The following SON variants were observed in gnomAD, a reference collection of about 807,000 sequenced individuals.
The protein encoded by SON is SON DNA and RNA binding protein.
SON carries 4 observed loss-of-function variants against 173.3 expected under a neutral mutation model. The ratio of observed to expected loss-of-function variants is 0.02; its 90% confidence interval spans 0.01 to 0.05. The LOEUF (loss-of-function observed/expected upper bound fraction) is 0.05. Ranked by LOEUF, SON falls within the 10% of genes least tolerant of loss-of-function variation. SON has a pLI of 1.00. For missense variants in SON, 2,626 were observed against 3,055.3 expected (o/e 0.86, Z 3.31); for synonymous variants, 1,190 against 1,105.9 (o/e 1.08, Z -1.51).
intron 11 of SON, 73 bp downstream of exon 11, chr21:33,575,966 A>G: frequency 1.4e-6 from 1 of 729,944 alleles, no homozygotes; most frequent in East Asian, 2.8e-5. Flanking sequence ...GGTAAACATG[A>G]TCACAGGATT....
Position 33,550,503 on chromosome 21 carries a change from G to A in SON, c.1272G>A (p.Val424=), listed in dbSNP as rs923655134. 8.7e-6 allele frequency: 14 copies of A among 1,613,714 alleles called. No homozygotes were observed. The highest frequency in any genetic ancestry group is 1.6e-4 in the Middle Eastern group (1 of 6,076). The stretch of plus-strand genomic sequence containing the variant: ...TGCCAGGGCCCCTTTCTACCCCAGT[G>A]CCTGAGTTGCCAGGGCCCCCTGCGA... The part of the protein sequence containing the change: ...PELPGPLSTP[V]PELPGPPATA... Residue 424 remains valine, a synonymous_variant, in exon 3 of 12, where the codon GTG becomes GTA. Transcript: ENST00000356577.
At position 33,554,624 on chromosome 21, in the gene SON, A is replaced by G. The variant is rs2085915224; in HGVS notation, c.5393A>G (p.Asp1798Gly). The change falls in exon 3 of 12, where the codon GAC (aspartate) becomes GGC (glycine). Residue 1798 changes from aspartate to glycine, a missense_variant. Asp to Gly is a moderately conservative substitution (Grantham distance 94). Coordinates refer to ENST00000356577, the MANE Select transcript of SON (RefSeq NM_138927.4). ...DDYEIFVKVK[D>G]THEKSKKNKN... Reference sequence around the variant, plus strand: ...TATGAAATTTTTGTAAAAGTTAAGGACACTCACGAAAAAAGCAAGAAAAAT... The same window carrying G: ...TATGAAATTTTTGTAAAAGTTAAGGGCACTCACGAAAAAAGCAAGAAAAAT... 2.5e-6 allele frequency: 4 copies of G among 1,613,506 alleles called. No individual in the cohort carries two copies. Among genetic ancestry groups the G allele is most frequent in the Non-Finnish European group, 2.5e-6 (3 of 1,179,940 alleles).
intron 6 of SON, 144 bp from the exon 7 acceptor site, chr21:33,567,013 G>C (rs1206862067): frequency 6.0e-6 from 3 of 503,806 alleles, no homozygotes; most frequent in Non-Finnish European, 1.1e-5. Flanking sequence ...TTCTCTTTCT[G>C]AGTCTTCTCC....
chr21:33,575,697 C>G (rs1288638299), intron 10 of SON, 30 bp downstream of exon 10: 1 of 1,592,610 alleles, frequency 6.3e-7, no homozygotes, highest in African/African-American at 1.3e-5. Context: ...TTTCCTCTTA[C>G]CCTAATCCCA....
chr21:33,546,974 T>G (rs920076441), intron 2 of SON: 5 of 152,178 alleles, frequency 3.3e-5, no homozygotes, highest in African/African-American at 1.2e-4. Flanking sequence ...TTTTCTTTTC[T>G]TTTCTTTTTT....
chr21:33,573,147 T>TA (rs757803074), intron 8 of SON, 161 bp from the exon 9 acceptor site: 62 of 541,390 alleles, frequency 1.1e-4, no homozygotes, highest in Non-Finnish European at 1.8e-4. Context: ...AATCAGAACA[T>TA]ACACACTACA....
intron 7 of SON, among the ~76,000 whole-genome samples, chr21:33,568,175 A>G (rs1330571193): frequency 6.6e-6 from 1 of 152,216 alleles, no homozygotes; most frequent in Non-Finnish European, 1.5e-5. Flanking sequence ...GGTGACTGAA[A>G]AAAAGTATAC....
rs2086229065 is a variant in SON at position 33,569,045 on chromosome 21, A to G, written c.6843A>G (p.Gln2281=). The G allele has an allele frequency of 1.2e-6, 2 of 1,612,574 alleles. No individual in the cohort carries two copies. The highest frequency in any genetic ancestry group is 2.7e-5 in the African/African-American group (2 of 75,006). The change falls in exon 8 of 12, where the codon CAA becomes CAG. Residue 2281 remains glutamine, a synonymous_variant. Transcript: ENST00000356577. ...GTACAGGAGTACAGGTTTTGACACAAGAACAGTTGGCCAATACTGGTGCCC... is the reference window on the plus strand; with the variant it reads ...GTACAGGAGTACAGGTTTTGACACAGGAACAGTTGGCCAATACTGGTGCCC... ...TGSTGVQVLT[Q]EQLANTGAQA... is the part of the protein sequence containing the mutation.
chr21:33,555,141 C>CCGCACCCCCAGCCGCCGG lies in SON; in HGVS notation c.5910_5911insCGCACCCCCAGCCGCCGG (p.Arg1965_Arg1970dup), dbSNP rs2085936031. Reference sequence around the variant, plus strand: ...GCCGCAGCCGCACCCCCAGCCGCCGCAGCCGCACCCCCAGCCGCCGCAGCC... The same window carrying CCGCACCCCCAGCCGCCGG: ...GCCGCAGCCGCACCCCCAGCCGCCGCCGCACCCCCAGCCGCCGGAGCCGCACCCCCAGCCGCCGCAGCC... On this transcript the variant is annotated inframe_insertion, in exon 3 of 12. Transcript: ENST00000356577. The CCGCACCCCCAGCCGCCGG allele has an allele frequency of 6.8e-7, 1 of 1,473,724 alleles. No homozygotes were observed. Among genetic ancestry groups the CCGCACCCCCAGCCGCCGG allele is most frequent in the Admixed American group, 2.4e-5 (1 of 41,186 alleles). The allele number at this position is 1,473,724 out of a possible 1,614,324, so 91.3% of individuals were successfully genotyped here. A position where few individuals can be genotyped will look rare whatever the true frequency, so the allele number is the denominator to read the frequency against.
intron 11 of SON, 129 bp from the exon 12 acceptor site, chr21:33,576,236 T>C: frequency 1.5e-6 from 1 of 646,558 alleles, no homozygotes; most frequent in Non-Finnish European, 2.8e-6. Context: ...GGGTTGAGAT[T>C]ATAATTTGAC....
chr21:33,553,556 A>AATC lies in SON; in HGVS notation c.4326_4328dup (p.Ser1443dup). On this transcript the variant is annotated inframe_insertion, in exon 3 of 12. Transcript: ENST00000356577. ...TCAGAACCATCTGTTTCTGTCCAGG[A>AATC]ATCGACTGTGACAGTTTCAGAGCCT... The AATC allele has an allele frequency of 6.2e-7, 1 of 1,614,186 alleles. No individual in the cohort carries two copies. The highest frequency in any genetic ancestry group is 8.5e-7 in the Non-Finnish European group (1 of 1,180,036).
chr21:33,555,550 C>T (rs1386072490), intron 3 of SON, among the ~76,000 whole-genome samples, 159 bp downstream of exon 3: 1 of 152,196 alleles, frequency 6.6e-6, no homozygotes, highest in Admixed American at 6.5e-5. Context: ...TTAGGAACTA[C>T]TGGGATCAGT....
Position 33,550,983 on chromosome 21 carries a change from G to A in SON, c.1752G>A (p.Leu584=). The change falls in exon 3 of 12, where the codon TTG becomes TTA. Residue 584 remains leucine, a synonymous_variant. Coordinates refer to ENST00000356577, the MANE Select transcript of SON (RefSeq NM_138927.4). ...CTTCGGCAACTAGGGCACTGGAGTT[G>A]TCGGGGCAGCCTGTGGCAACTGGGG... ...GLPSATRALE[L]SGQPVATGAL... 6.2e-7 allele frequency: 1 copy of A among 1,605,704 alleles called. No individual in the cohort carries two copies. Among genetic ancestry groups the A allele is most frequent in the African/African-American group, 1.3e-5 (1 of 74,816 alleles).
intron 6 of SON, among the ~76,000 whole-genome samples, chr21:33,564,897 AATTACT>A (rs1319521532): frequency 6.6e-6 from 1 of 152,068 alleles, no homozygotes; most frequent in African/African-American, 2.4e-5. Flanking sequence ...CCAGTAGTCA[AATTACT>A]ATTTGGTAAT....
intron 7 of SON, among the ~76,000 whole-genome samples, chr21:33,567,976 T>G (rs921114204): frequency 2.0e-5 from 3 of 152,172 alleles, no homozygotes; most frequent in African/African-American, 7.2e-5. Flanking sequence ...GGAACTGGGA[T>G]TCAAACCCAA....
In SON at chr21:33,553,616, C is replaced by T; in HGVS notation, c.4385C>T (p.Pro1462Leu). 6.2e-7 allele frequency: 1 copy of T among 1,613,882 alleles called. No individual in the cohort carries two copies. The highest frequency in any genetic ancestry group is 8.5e-7 in the Non-Finnish European group (1 of 1,179,882). The change falls in exon 3 of 12, where the codon CCA (proline) becomes CTA (leucine). Residue 1462 changes from proline to leucine, a missense_variant. Physicochemically the swap from Pro to Leu is moderately conservative, Grantham distance 98 (BLOSUM62 -3). Around this residue, in one of 13 missense-constraint regions of SON, gnomAD observed 1,006 missense variants for 895.6 expected, o/e 1.12. Transcript: ENST00000356577. ...GTCTCAGAGCAGACTCAAGTAATAC[C>T]AACTGAGGTGGCTATAGAGTCCACA... ...VTVSEQTQVI[P>L]TEVAIESTPM...
chr21:33,557,511 G>C (rs1276294289), intron 4 of SON, 195 bp downstream of exon 4: 1 of 1,550,786 alleles, frequency 6.4e-7, no homozygotes, highest in East Asian at 2.4e-5. Context: ...AGCTCCGCTA[G>C]CTAAAAGTTA....
chr21:33,551,817 T>A lies in SON; in HGVS notation c.2586T>A (p.Asp862Glu). ...AGATGTTAGCAACTAGCTCAATGGA[T>A]TCCCAGATGTTAGCATCTGGCACTA... Reference protein sequence around the residue: ...DSQMLATSSMDSQMLASGTMD... With the variant: ...DSQMLATSSMESQMLASGTMD... The change falls in exon 3 of 12, where the codon GAT (aspartate) becomes GAA (glutamate). Residue 862 changes from aspartate (D) to glutamate (E), a missense_variant. Transcript: ENST00000356577. 1 of 1,613,500 alleles carries A rather than the reference T, an allele frequency of 6.2e-7. No homozygotes were observed. Among genetic ancestry groups the A allele is most frequent in the Non-Finnish European group, 8.5e-7 (1 of 1,179,946 alleles).
At position 33,554,513 on chromosome 21, in the gene SON, T is replaced by G; in HGVS notation, c.5282T>G (p.Val1761Gly). 6.2e-7 allele frequency: 1 copy of G among 1,614,122 alleles called. No homozygotes were observed. Among genetic ancestry groups the G allele is most frequent in the Non-Finnish European group, 8.5e-7 (1 of 1,180,030 alleles). ...GIEGPLLASD[V>G]GRDRSAASPV... is the part of the protein sequence containing the mutation. ...GAAGGACCTTTACTTGCAAGTGATG[T>G]TGGACGTGACAGATCTGCTGCCAGC... Residue 1761 changes from valine to glycine, a missense_variant, in exon 3 of 12, where the codon GTT becomes GGT. This residue lies in a region of SON where 1,006 missense variants were observed against 895.6 expected (regional missense o/e 1.12). Transcript: ENST00000356577.
Sources: allele counts gnomAD v4.1 joint callset (sites outside exome capture counted in the v4.1 genomes callset), GRCh38; gene constraint gnomAD v4.1.1; regional missense constraint gnomAD v4.1.1; transcripts MANE v1.5; gene names NCBI Gene and HGNC (gene_info 2026-07-23, HGNC 2026-07-21).